Variants in ALCAM observed in about 807,000 individuals in gnomAD.
ALCAM encodes the protein activated leukocyte cell adhesion molecule.
ALCAM carries 30 observed loss-of-function variants against 70.9 expected under a neutral mutation model. The observed-to-expected ratio is 0.42, with a 90% CI of 0.32 to 0.57. ALCAM has a LOEUF of 0.57. ALCAM is among the 20% of genes least tolerant of loss of function. The pLI is 0.11. For synonymous variants in ALCAM, 249 were observed against 242.5 expected, an observed-to-expected ratio of 1.03 and a Z score of -0.25; for missense variants, 591 against 695.1, an observed-to-expected ratio of 0.85 and a Z score of 1.68.
intron 1 of ALCAM, among the ~76,000 whole-genome samples, chr3:105,482,193 A>G (rs1369799930): frequency 1.3e-5 from 2 of 152,088 alleles, no homozygotes; most frequent in African/African-American, 4.8e-5. Context: ...GGTCACTGCA[A>G]CCTCTGTCTC....
intron 1 of ALCAM, among the ~76,000 whole-genome samples, chr3:105,493,876 G>A (rs973754522): frequency 1.4e-4 from 21 of 151,982 alleles, no homozygotes; most frequent in Admixed American, 1.2e-3. Flanking sequence ...CTTATTTTTG[G>A]CCTCACAACA....
intron 1 of ALCAM, among the ~76,000 whole-genome samples, chr3:105,474,862 A>T (rs569220278): frequency 7.2e-5 from 11 of 151,918 alleles, no homozygotes; most frequent in Admixed American, 6.6e-4. Context: ...GTCACATATA[A>T]AATGCTTTAC....
At chr3:105,438,725 G>C (rs1479125792) in intron 1 of ALCAM, among the ~76,000 whole-genome samples, 1 of 152,060 alleles carries the variant, frequency 6.6e-6, no homozygotes, top group Non-Finnish European at 1.5e-5. Flanking sequence ...ATATTGTATA[G>C]AGACACAGCC....
At chr3:105,392,855 C>A (rs935963647) in intron 1 of ALCAM, among the ~76,000 whole-genome samples, 1 of 151,922 alleles carries the variant, frequency 6.6e-6, no homozygotes, top group African/African-American at 2.4e-5. Flanking sequence ...CATTCAGGAG[C>A]AGGTTGTTCA....
At chr3:105,376,494 A>G (rs1369235904) in intron 1 of ALCAM, among the ~76,000 whole-genome samples, 1 of 152,244 alleles carries the variant, frequency 6.6e-6, no homozygotes, top group Admixed American at 6.5e-5. Flanking sequence ...ACAGCTTTCA[A>G]CAAATATTAA....
intron 14 of ALCAM, among the ~76,000 whole-genome samples, chr3:105,567,653 CTGA>C (rs1940772124): frequency 6.6e-6 from 1 of 152,088 alleles, no homozygotes; most frequent in Non-Finnish European, 1.5e-5. Context: ...TTTTTTGCTG[CTGA>C]TATTTCCATC....
At chr3:105,504,242 G>T (rs1345150992) in intron 1 of ALCAM, among the ~76,000 whole-genome samples, 1 of 152,190 alleles carries the variant, frequency 6.6e-6, no homozygotes, top group Non-Finnish European at 1.5e-5. Flanking sequence ...AGGTTATGGA[G>T]CTCCGACCCT....
chr3:105,423,492 T>C (rs576716158), intron 1 of ALCAM, among the ~76,000 whole-genome samples: 1 of 142,012 alleles, frequency 7.0e-6, no homozygotes, highest in Non-Finnish European at 1.6e-5. Flanking sequence ...CATCTGTTCT[T>C]TCAGGGAAAA....
chr3:105,521,250 G>A (rs1282316705), intron 2 of ALCAM, among the ~76,000 whole-genome samples: 2 of 138,152 alleles, frequency 1.4e-5, no homozygotes, highest in Admixed American at 7.9e-5. Flanking sequence ...GCAGTGAGCC[G>A]AGATTGCGCC....
Position 105,538,449 on chromosome 3 carries a change from G to A in ALCAM, c.731-1526G>A, listed in dbSNP as rs139209376. Among the ~76,000 whole-genome samples, 377 of 152,260 alleles carry A rather than the reference G, an allele frequency of 2.5e-3. 1 individual carries two copies. The highest frequency in any genetic ancestry group is 8.8e-3 in the African/African-American group (364 of 41,572). ...TAACTTTGAGGTAAACACGTTAGTG[G>A]ACATGCAGAGAGTTACTGTCAAAAC... On this transcript the variant is annotated intron_variant, in intron 6 of 15. Coordinates refer to ENST00000306107, the MANE Select transcript of ALCAM (RefSeq NM_001627.4).
chr3:105,572,050 C>T (rs548327767), intron 15 of ALCAM, 86 bp downstream of exon 15: 1 of 723,634 alleles, frequency 1.4e-6, no homozygotes, highest in African/African-American at 1.8e-5. Context: ...TGTTAAGATG[C>T]TCCATAATTA....
chr3:105,430,267 T>C (rs1936896730), intron 1 of ALCAM, among the ~76,000 whole-genome samples: 1 of 151,996 alleles, frequency 6.6e-6, no homozygotes, highest in Non-Finnish European at 1.5e-5. Flanking sequence ...CTAAAATTCA[T>C]ATTTTATTCA....
intron 1 of ALCAM, among the ~76,000 whole-genome samples, chr3:105,369,665 G>T (rs114146338): frequency 0.027 from 4,046 of 152,284 alleles, 85 homozygotes; most frequent in Non-Finnish European, 0.04. Context: ...TCATTTGAGC[G>T]GGGTAACTGC....
chr3:105,514,265 TG>T lies in ALCAM; in HGVS notation c.74-5801del, dbSNP rs534602782. Among the ~76,000 whole-genome samples the T allele has an allele frequency of 2.7e-3, 415 of 152,056 alleles. 2 individuals carry two copies. Among genetic ancestry groups the T allele is most frequent in the Non-Finnish European group, 3.6e-3 (242 of 67,890 alleles). On this transcript the variant is annotated intron_variant, in intron 1 of 15. Transcript: ENST00000306107. ...AGGTGTCCAATAAATATTTGATGCA[TG>T]ATTGAATGATTCGATGATTTTTGAG...
intron 1 of ALCAM, among the ~76,000 whole-genome samples, chr3:105,472,645 A>T (rs1937968067): frequency 6.6e-6 from 1 of 151,518 alleles, no homozygotes; most frequent in Non-Finnish European, 1.5e-5. Flanking sequence ...TGAAAAGATC[A>T]TTTTCAGGCA....
intron 1 of ALCAM, among the ~76,000 whole-genome samples, chr3:105,432,046 T>C (rs2107438845): frequency 6.6e-6 from 1 of 152,198 alleles, no homozygotes. Flanking sequence ...AGCCTATAAA[T>C]CTCTTCCATA....
chr3:105,424,173 A>T (rs1055586951), intron 1 of ALCAM, among the ~76,000 whole-genome samples: 10 of 151,758 alleles, frequency 6.6e-5, no homozygotes, highest in Non-Finnish European at 1.2e-4. Flanking sequence ...TTTTGTGGGT[A>T]TCAAATACAT....
At chr3:105,568,057 TATTTTA>T (rs1940782664) in intron 14 of ALCAM, among the ~76,000 whole-genome samples, 2 of 104,024 alleles carry the variant, frequency 1.9e-5, no homozygotes, top group South Asian at 3.9e-4. Flanking sequence ...TATTTTATTT[TATTTTA>T]TTTTTTTTTT....
At chr3:105,405,302 A>AAAG (rs1272974074) in intron 1 of ALCAM, among the ~76,000 whole-genome samples, 2 of 140,370 alleles carry the variant, frequency 1.4e-5, no homozygotes, top group Non-Finnish European at 3.1e-5. Flanking sequence ...AAAAAAAAAA[A>AAAG]AAGACAAAGA....
Sources: allele counts gnomAD v4.1 joint callset (sites outside exome capture counted in the v4.1 genomes callset), GRCh38; gene constraint gnomAD v4.1.1; transcripts MANE v1.5; gene names NCBI Gene and HGNC (gene_info 2026-07-23, HGNC 2026-07-21).